The following PID1 variants were observed in gnomAD, a reference collection of about 807,000 sequenced individuals.
The protein encoded by PID1 is phosphotyrosine interaction domain containing 1.
A neutral mutation model predicts 19.1 loss-of-function variants in PID1; 10 were observed. That is an observed-to-expected ratio of 0.52 (90% confidence interval 0.32 to 0.89). The LOEUF (loss-of-function observed/expected upper bound fraction) is 0.89. PID1 is among the 40% of genes least tolerant of loss of function. The pLI is 0.03. For synonymous variants in PID1, 130 were observed against 116.0 expected, an observed-to-expected ratio of 1.12 and a Z score of -0.78; for missense variants, 248 against 285.3, an observed-to-expected ratio of 0.87 and a Z score of 0.94.
intron 2 of PID1, among the ~76,000 whole-genome samples, chr2:229,049,514 C>T (rs937752235): frequency 5.3e-5 from 8 of 152,152 alleles, no homozygotes; most frequent in Non-Finnish European, 1.2e-4. Flanking sequence ...AATTCTAGAA[C>T]ATTAGAAACA....
At chr2:229,147,016 C>A (rs144148824) in intron 2 of PID1, among the ~76,000 whole-genome samples, 6 of 152,306 alleles carry the variant, frequency 3.9e-5, no homozygotes, top group Non-Finnish European at 8.8e-5. Flanking sequence ...GAGTAAATTT[C>A]TGTTGTTTTA....
intron 1 of PID1, among the ~76,000 whole-genome samples, chr2:229,264,330 C>CTAA (rs1040046553): frequency 1.3e-5 from 2 of 152,116 alleles, no homozygotes; most frequent in Non-Finnish European, 2.9e-5. Flanking sequence ...CATGAGAGAA[C>CTAA]TAACACTTCA....
chr2:229,245,646 A>G (rs1689981836), intron 1 of PID1, among the ~76,000 whole-genome samples: 1 of 152,158 alleles, frequency 6.6e-6, no homozygotes. Flanking sequence ...GATAAAAAAT[A>G]CTTGAACGTA....
chr2:229,200,460 T>C (rs570063085), intron 1 of PID1, among the ~76,000 whole-genome samples: 23 of 152,158 alleles, frequency 1.5e-4, no homozygotes, highest in Non-Finnish European at 3.1e-4. Flanking sequence ...CCTCTGCCTG[T>C]TGAGTTAGCT....
intron 2 of PID1, among the ~76,000 whole-genome samples, chr2:229,054,721 G>T (rs10167923): frequency 0.076 from 2,210 of 28,970 alleles, 61 homozygotes; most frequent in East Asian, 0.15. Flanking sequence ...TGTGTGTGTG[G>T]GGGGGGGGGG....
intron 1 of PID1, among the ~76,000 whole-genome samples, chr2:229,232,772 TAC>T (rs1166489169): frequency 6.0e-4 from 79 of 131,854 alleles, no homozygotes; most frequent in African/African-American, 1.9e-3. Flanking sequence ...TGAATATATA[TAC>T]ACACACACAC....
chr2:229,073,612 T>C (rs1460516837), intron 2 of PID1, among the ~76,000 whole-genome samples: 1 of 152,174 alleles, frequency 6.6e-6, no homozygotes, highest in Non-Finnish European at 1.5e-5. Context: ...TTGTAAATAT[T>C]CAGTAGGAAG....
At chr2:229,205,739 C>T (rs184606302) in intron 1 of PID1, among the ~76,000 whole-genome samples, 13 of 152,214 alleles carry the variant, frequency 8.5e-5, no homozygotes, top group Non-Finnish European at 1.8e-4. Flanking sequence ...TGCAAAAGGC[C>T]TGGCAAGAGT....
chr2:229,150,740 G>A (rs762610893), intron 2 of PID1, among the ~76,000 whole-genome samples: 5 of 151,816 alleles, frequency 3.3e-5, no homozygotes, highest in East Asian at 3.9e-4. Context: ...ACTGTGGAAC[G>A]GGTATTGTAC....
intron 2 of PID1, among the ~76,000 whole-genome samples, chr2:229,123,809 T>A (rs148260793): frequency 6.6e-6 from 1 of 152,352 alleles, no homozygotes; most frequent in African/African-American, 2.4e-5. Flanking sequence ...CCTTTGTATA[T>A]GTTCTTGGGC....
intron 2 of PID1, among the ~76,000 whole-genome samples, chr2:229,113,447 CACAA>C (rs5839303): frequency 0.55 from 78,463 of 142,944 alleles, 22,457 homozygotes; most frequent in Admixed American, 0.64. Flanking sequence ...TATATACACA[CACAA>C]ACACACACAC....
intron 1 of PID1, among the ~76,000 whole-genome samples, chr2:229,168,826 A>G (rs971690921): frequency 6.6e-6 from 1 of 152,114 alleles, no homozygotes; most frequent in Non-Finnish European, 1.5e-5. Flanking sequence ...CTTCTGCCCA[A>G]GTTAATTATT....
At chr2:229,186,102 G>A (rs1430666184) in intron 1 of PID1, among the ~76,000 whole-genome samples, 1 of 152,148 alleles carries the variant, frequency 6.6e-6, no homozygotes, top group African/African-American at 2.4e-5. Flanking sequence ...AAATCCAGCA[G>A]GGTAGTCAAA....
At chr2:229,068,480 C>T (rs1168191910) in intron 2 of PID1, among the ~76,000 whole-genome samples, 1 of 152,158 alleles carries the variant, frequency 6.6e-6, no homozygotes, top group African/African-American at 2.4e-5. Context: ...AACAAGCACA[C>T]TTTACAAAAA....
chr2:229,124,941 C>A (rs1282745808), intron 2 of PID1, among the ~76,000 whole-genome samples: 1 of 152,138 alleles, frequency 6.6e-6, no homozygotes, highest in Non-Finnish European at 1.5e-5. Context: ...TTATTTTCCT[C>A]TGGTCAATTT....
chr2:229,155,672 C>T, intron 2 of PID1, 146 bp downstream of exon 2: 1 of 693,840 alleles, frequency 1.4e-6, no homozygotes, highest in African/African-American at 1.8e-5. Context: ...TGAATTCAGT[C>T]TACCATCACT....
Position 229,025,662 on chromosome 2 carries a change from A to G in PID1, c.624T>C (p.Val208=). 6.2e-7 allele frequency: 1 copy of G among 1,611,844 alleles called. No individual in the cohort carries two copies. The highest frequency in any genetic ancestry group is 8.5e-7 in the Non-Finnish European group (1 of 1,178,014). ...CATCATCGGATTCCAATTCCTGGGAAACCTCTTCGGAGGAGCTGTTGCTGT... is the reference window on the plus strand; with the variant it reads ...CATCATCGGATTCCAATTCCTGGGAGACCTCTTCGGAGGAGCTGTTGCTGT... ...RIHSNSSSEE[V]SQELESDDG The change falls in exon 3 of 3, where the codon GTT becomes GTC. Residue 208 remains valine (V), a synonymous_variant. Coordinates refer to ENST00000392055, the MANE Select transcript of PID1 (RefSeq NM_001100818.2).
At chr2:229,077,003 C>T (rs1033665934) in intron 2 of PID1, among the ~76,000 whole-genome samples, 2 of 152,206 alleles carry the variant, frequency 1.3e-5, no homozygotes, top group Non-Finnish European at 2.9e-5. Context: ...CTCATTCACA[C>T]TCTCACCAAC....
chr2:229,107,039 G>C (rs961446189), intron 2 of PID1, among the ~76,000 whole-genome samples: 1 of 152,130 alleles, frequency 6.6e-6, no homozygotes, highest in African/African-American at 2.4e-5. Context: ...AGAGAGATTT[G>C]AGACACACAA....
Sources: allele counts gnomAD v4.1 joint callset (sites outside exome capture counted in the v4.1 genomes callset), GRCh38; gene constraint gnomAD v4.1.1; transcripts MANE v1.5; gene names NCBI Gene and HGNC (gene_info 2026-07-23, HGNC 2026-07-21).